SGO2: variants seen among roughly 807,000 people sequenced by gnomAD.
The protein encoded by SGO2 is shugoshin-like 2.
A neutral mutation model predicts 99.5 loss-of-function variants in SGO2; 68 were observed. The ratio of observed to expected loss-of-function variants is 0.68; its 90% CI spans 0.56 to 0.84. The LOEUF (loss-of-function observed/expected upper bound fraction) is 0.84. Ranked by LOEUF, SGO2 falls within the 40% of genes least tolerant of loss-of-function variation. The pLI is 0.00. For synonymous variants in SGO2, 457 were observed against 487.1 expected (o/e 0.94, Z 0.81); for missense variants, 1,350 against 1,436.7 (o/e 0.94, Z 0.97).
intron 5 of SGO2, among the ~76,000 whole-genome samples, chr2:200,564,039 T>A (rs2033087695): frequency 6.6e-6 from 1 of 152,210 alleles, no homozygotes; most frequent in African/African-American, 2.4e-5. Flanking sequence ...TTTTGAAGGG[T>A]TTCTTTGTGT....
intron 5 of SGO2, among the ~76,000 whole-genome samples, chr2:200,544,614 G>A (rs1181852043): frequency 1.3e-5 from 2 of 152,106 alleles, no homozygotes; most frequent in African/African-American, 4.8e-5. Context: ...TACAAATAGG[G>A]CTGCCACATA....
chr2:200,571,284 G>A lies in SGO2; in HGVS notation c.938G>A (p.Gly313Asp), dbSNP rs780912918. The A allele has an allele frequency of 1.2e-6, 2 of 1,613,248 alleles. No individual in the cohort carries two copies. Among genetic ancestry groups the A allele is most frequent in the South Asian group, 2.2e-5 (2 of 91,006 alleles). Residue 313 changes from glycine (G) to aspartate (D), a missense_variant, in exon 7 of 9, where the codon GGT (glycine) becomes GAT (aspartate). Transcript: ENST00000357799. Reference sequence around the variant, plus strand: ...TTAAATTGCAATAATGAGATAAATGGTCATACTAATGAAACAAATACTGAA... The same window carrying A: ...TTAAATTGCAATAATGAGATAAATGATCATACTAATGAAACAAATACTGAA... ...PELNCNNEIN[G>D]HTNETNTEMQ...
chr2:200,571,735 G>A lies in SGO2; in HGVS notation c.1389G>A (p.Gln463=), dbSNP rs1363603547. 5.6e-6 allele frequency: 9 copies of A among 1,613,538 alleles called. No homozygotes were observed. The highest frequency in any genetic ancestry group is 6.8e-6 in the Non-Finnish European group (8 of 1,179,708). ...AACAGCTGGCTCAGATGAATGAACAGCTGGCTCAGGTGAATGAACTAAAGA... is the reference window on the plus strand; with the variant it reads ...AACAGCTGGCTCAGATGAATGAACAACTGGCTCAGGTGAATGAACTAAAGA... ...NNEQLAQMNE[Q]LAQVNELKKM... is the part of the protein sequence containing the mutation. The change falls in exon 7 of 9, where the codon CAG becomes CAA. Residue 463 remains glutamine (Q), a synonymous_variant. Coordinates refer to ENST00000357799, the MANE Select transcript of SGO2 (RefSeq NM_152524.6).
rs900486982 is a variant in SGO2, at chr2:200,572,229, A to G, written c.1883A>G (p.His628Arg). The G allele has an allele frequency of 6.2e-7, 1 of 1,612,826 alleles. No homozygotes were observed. Among genetic ancestry groups the G allele is most frequent in the Non-Finnish European group, 8.5e-7 (1 of 1,179,530 alleles). The change falls in exon 7 of 9, where the codon CAC becomes CGC. Residue 628 changes from histidine (H) to arginine (R), a missense_variant. Physicochemically the swap from His to Arg is conservative, Grantham distance 29. Transcript: ENST00000357799. ...ACAGAAATAATTTCTGGAATGAACCACATGTATGAGGATAATGATAAAGAT... is the reference window on the plus strand; with the variant it reads ...ACAGAAATAATTTCTGGAATGAACCGCATGTATGAGGATAATGATAAAGAT... ...RKTEIISGMNHMYEDNDKDVV... is the reference protein window; with the variant it reads ...RKTEIISGMNRMYEDNDKDVV...
intron 5 of SGO2, among the ~76,000 whole-genome samples, chr2:200,562,311 G>A (rs2033004343): frequency 6.6e-6 from 1 of 152,054 alleles, no homozygotes; most frequent in South Asian, 2.1e-4. Flanking sequence ...TATTAAATAG[G>A]GAATCCTTTC....
intron 8 of SGO2, among the ~76,000 whole-genome samples, chr2:200,575,740 T>G (rs2033633348): frequency 6.6e-6 from 1 of 152,208 alleles, no homozygotes; most frequent in Non-Finnish European, 1.5e-5. Context: ...ATACTTATAA[T>G]TTTTAAAATT....
chr2:200,540,494 T>C (rs906912514), intron 4 of SGO2, among the ~76,000 whole-genome samples: 4 of 152,182 alleles, frequency 2.6e-5, no homozygotes, highest in African/African-American at 7.2e-5. Context: ...GACACCACTA[T>C]GGCTGGAACA....
chr2:200,563,757 G>A (rs997808392), intron 5 of SGO2, among the ~76,000 whole-genome samples: 5 of 152,094 alleles, frequency 3.3e-5, no homozygotes, highest in Non-Finnish European at 7.4e-5. Context: ...GTCTATTCAG[G>A]GATTCAACTT....
At chr2:200,576,928 G>A (rs1212148402) in intron 8 of SGO2, among the ~76,000 whole-genome samples, 1 of 151,578 alleles carries the variant, frequency 6.6e-6, no homozygotes. Flanking sequence ...ACCACATTTT[G>A]TTCATCCATT....
At chr2:200,574,911 G>A (rs6756511) in intron 7 of SGO2, among the ~76,000 whole-genome samples, 32,709 of 124,036 alleles carry the variant, frequency 0.26, 3,548 homozygotes, top group Middle Eastern at 0.35. Flanking sequence ...TGGCGGGTAA[G>A]TCAATTCCAG....
At chr2:200,580,026 C>T (rs2033788995) in intron 8 of SGO2, among the ~76,000 whole-genome samples, 1 of 152,002 alleles carries the variant, frequency 6.6e-6, no homozygotes, top group Admixed American at 6.6e-5. Context: ...GTTAGCATCC[C>T]CCTCTGAAAC....
intron 8 of SGO2, among the ~76,000 whole-genome samples, chr2:200,579,836 T>C (rs1388642732): frequency 6.6e-6 from 1 of 152,172 alleles, no homozygotes; most frequent in Non-Finnish European, 1.5e-5. Flanking sequence ...TTGAATTGTC[T>C]TTATCTGGCC....
Position 200,573,333 on chromosome 2 carries a change from A to G in SGO2, c.2987A>G (p.Asn996Ser), listed in dbSNP as rs768364738. The change falls in exon 7 of 9, where the codon AAC (asparagine) becomes AGC (serine). Residue 996 changes from asparagine (N) to serine (S), a missense_variant. Physicochemically the swap from Asn to Ser is conservative, Grantham distance 46. Coordinates refer to ENST00000357799, the MANE Select transcript of SGO2 (RefSeq NM_152524.6). ...AAAGAATCATCATGCAAGGCAAAGAACATTTTGACAAAAGCTAAGAACAAA... is the reference window on the plus strand; with the variant it reads ...AAAGAATCATCATGCAAGGCAAAGAGCATTTTGACAAAAGCTAAGAACAAA... Reference protein sequence around the residue: ...RKKESSCKAKNILTKAKNKLA... With the variant: ...RKKESSCKAKSILTKAKNKLA... 11 of 1,605,644 alleles carry G rather than the reference A, an allele frequency of 6.9e-6. No homozygotes were observed. The Admixed American group carries it at 1.7e-4, about 25-fold the overall frequency.
intron 5 of SGO2, among the ~76,000 whole-genome samples, chr2:200,547,215 CA>C (rs1300032443): frequency 6.6e-6 from 1 of 152,128 alleles, no homozygotes; most frequent in Non-Finnish European, 1.5e-5. Flanking sequence ...GGGAGTAGAA[CA>C]ACATTTTCAA....
intron 4 of SGO2, among the ~76,000 whole-genome samples, chr2:200,542,141 A>G (rs2031991518): frequency 6.6e-6 from 1 of 152,156 alleles, no homozygotes; most frequent in South Asian, 2.1e-4. Flanking sequence ...ACATGTTTGT[A>G]TCTGAAAATT....
chr2:200,561,689 T>C (rs2032980006), intron 5 of SGO2, among the ~76,000 whole-genome samples: 2 of 152,196 alleles, frequency 1.3e-5, no homozygotes, highest in Non-Finnish European at 1.5e-5. Context: ...TGTAAAAGTG[T>C]TCCTATTTCT....
intron 5 of SGO2, among the ~76,000 whole-genome samples, chr2:200,550,983 CTAAG>C (rs2032457137): frequency 7.4e-6 from 1 of 134,270 alleles, no homozygotes; most frequent in Admixed American, 7.8e-5. Context: ...GCTTAAACAA[CTAAG>C]TAGCAAAAAA....
At chr2:200,528,842 G>A (rs945647102) in intron 1 of SGO2, among the ~76,000 whole-genome samples, 1 of 152,186 alleles carries the variant, frequency 6.6e-6, no homozygotes, top group African/African-American at 2.4e-5. Context: ...GGTCAGCGAG[G>A]CAGGAGAAAA....
chr2:200,528,201 G>T (rs552967034), intron 1 of SGO2, among the ~76,000 whole-genome samples: 2 of 152,324 alleles, frequency 1.3e-5, no homozygotes, highest in South Asian at 4.1e-4. Flanking sequence ...AGCTACTGGA[G>T]AGTTTTTTTT....
Sources: allele counts gnomAD v4.1 joint callset (sites outside exome capture counted in the v4.1 genomes callset), GRCh38; gene constraint gnomAD v4.1.1; transcripts MANE v1.5; gene names NCBI Gene and HGNC (gene_info 2026-07-23, HGNC 2026-07-21).